Variants in AFF2 observed in about 807,000 individuals in gnomAD.
AFF2 encodes ALF transcription elongation factor 2, also known as AF4/FMR2 family member 2.
AFF2 carries 14 observed loss-of-function variants against 76.9 expected under a neutral mutation model. The ratio of observed to expected loss-of-function variants is 0.18; its 90% CI spans 0.12 to 0.28. The LOEUF (loss-of-function observed/expected upper bound fraction) is 0.28. Ranked by LOEUF, AFF2 falls within the 10% of genes least tolerant of loss-of-function variation. AFF2 has a pLI of 1.00. For synonymous variants in AFF2, 398 were observed against 366.7 expected (o/e 1.09, Z -0.98); for missense variants, 868 against 1,001.1 (o/e 0.87, Z 1.79).
At chrX:148,769,848 G>A (rs1557267988) in intron 3 of AFF2, among the ~76,000 whole-genome samples, 1 of 111,647 alleles carries the variant, frequency 9.0e-6, no homozygotes, top group Non-Finnish European at 1.9e-5. Context: ...GAAATGGGCA[G>A]TTACAGACAA....
chrX:148,703,070 A>G (rs967049124), intron 3 of AFF2, among the ~76,000 whole-genome samples: 1 of 111,832 alleles, frequency 8.9e-6, no homozygotes, highest in Non-Finnish European at 1.9e-5. Flanking sequence ...AGAGACAAAG[A>G]ATTTGAGGGA....
Position 148,967,005 on chromosome X carries a change from G to A in AFF2, c.3129G>A (p.Thr1043=), listed in dbSNP as rs200301935. The A allele has an allele frequency of 5.0e-5, 60 of 1,209,547 alleles. No individual in the cohort carries two copies. Among genetic ancestry groups the A allele is most frequent in the Non-Finnish European group, 5.9e-5 (53 of 895,190 alleles). ...GLMDSSHLEM[T]SWAALPLLSS... is the part of the protein sequence containing the mutation. Reference sequence around the variant, plus strand: ...TGGATAGCAGTCACCTGGAGATGACGTCCTGGGCGGCTCTGCCCCTTCTAT... The same window carrying A: ...TGGATAGCAGTCACCTGGAGATGACATCCTGGGCGGCTCTGCCCCTTCTAT... Residue 1043 remains threonine (T), a synonymous_variant, in exon 14 of 21, where the codon ACG becomes ACA. Coordinates refer to ENST00000370460, the MANE Select transcript of AFF2 (RefSeq NM_002025.4).
chrX:148,543,121 G>A (rs1302138670), intron 1 of AFF2, among the ~76,000 whole-genome samples: 1 of 111,465 alleles, frequency 9.0e-6, no homozygotes, highest in African/African-American at 3.3e-5. Context: ...TCAAAAGGGG[G>A]TCCATGGAAC....
At chrX:148,689,634 T>C (rs980436082) in intron 3 of AFF2, among the ~76,000 whole-genome samples, 1 of 111,808 alleles carries the variant, frequency 8.9e-6, no homozygotes, top group Non-Finnish European at 1.9e-5. Flanking sequence ...AAATCAGAGT[T>C]GAACAGATGT....
intron 3 of AFF2, among the ~76,000 whole-genome samples, chrX:148,725,408 C>T (rs1189307489): frequency 1.8e-5 from 2 of 110,975 alleles, no homozygotes; most frequent in Non-Finnish European, 3.8e-5. Context: ...CCATTTCCTC[C>T]TTTAATAAAA....
chrX:148,753,123 G>A (rs1310681057), intron 3 of AFF2, among the ~76,000 whole-genome samples: 1 of 111,565 alleles, frequency 9.0e-6, no homozygotes, highest in African/African-American at 3.3e-5. Context: ...CTGTTTGTCT[G>A]TGGGGGAGGA....
At chrX:148,838,550 A>C (rs1490408358) in intron 5 of AFF2, among the ~76,000 whole-genome samples, 1 of 111,823 alleles carries the variant, frequency 8.9e-6, no homozygotes, top group Non-Finnish European at 1.9e-5. Context: ...CATTTAGGGG[A>C]TGATTAAGAC....
chrX:148,630,313 A>G (rs2124430134), intron 1 of AFF2, among the ~76,000 whole-genome samples: 1 of 111,956 alleles, frequency 8.9e-6, no homozygotes, highest in South Asian at 3.8e-4. Context: ...CATCTTGGTG[A>G]TTTGGTTTTG....
Position 148,995,055 on chromosome X carries a change from C to T in AFF2, c.*3723C>T, listed in dbSNP as rs1557292837. The T allele has an allele frequency of 2.7e-5, 3 of 112,006 alleles. No individual in the cohort carries two copies. The highest frequency in any genetic ancestry group is 5.6e-5 in the Non-Finnish European group (3 of 53,155). The allele number at this position is 112,006 out of a possible 1,213,427, so 9.2% of individuals were successfully genotyped here. ...CAAATGAATGGGTCAATTCAGCACC[C>T]CCAAATTTAATTCTGTGGGGAAAAA... On this transcript the variant is annotated 3_prime_UTR_variant, in exon 21 of 21. Transcript: ENST00000370460.
intron 1 of AFF2, among the ~76,000 whole-genome samples, chrX:148,544,687 G>A (rs1386954763): frequency 1.8e-5 from 2 of 112,063 alleles, no homozygotes; most frequent in African/African-American, 6.5e-5. Flanking sequence ...CAACTGTCAT[G>A]CCATCAGGCT....
chrX:148,676,403 G>A lies in AFF2; in HGVS notation c.1041+13635G>A, dbSNP rs371335684. Among the ~76,000 whole-genome samples the A allele has an allele frequency of 2.7e-5, 3 of 111,551 alleles. No individual in the cohort carries two copies. The Admixed American group carries it at 2.9e-4, about 11-fold the overall frequency. On this transcript the variant is annotated intron_variant, in intron 3 of 20. Transcript: ENST00000370460. ...TACAGACTGTTTGAAAGATTCACTCGATACCTGTAAAATCCAGTATTTTCT... is the reference window on the plus strand; with the variant it reads ...TACAGACTGTTTGAAAGATTCACTCAATACCTGTAAAATCCAGTATTTTCT...
rs1482386477 is a variant in AFF2 at position 148,998,331 on chromosome X, A to C, written c.*6999A>C. The C allele has an allele frequency of 8.9e-6, 1 of 111,748 alleles. No individual in the cohort carries two copies. The highest frequency in any genetic ancestry group is 1.9e-5 in the Non-Finnish European group (1 of 53,060). The allele number at this position is 111,748 out of a possible 1,213,427, so 9.2% of individuals were successfully genotyped here. On this transcript the variant is annotated 3_prime_UTR_variant, in exon 21 of 21. Coordinates refer to ENST00000370460, the MANE Select transcript of AFF2 (RefSeq NM_002025.4). ...GCTAGTGTTCTTTCTCTTTCCAAACAAATAGTTAAATTAAATGTGAGCTTC... is the reference window on the plus strand; with the variant it reads ...GCTAGTGTTCTTTCTCTTTCCAAACCAATAGTTAAATTAAATGTGAGCTTC...
intron 11 of AFF2, 27 bp downstream of exon 11, chrX:148,956,640 G>C: frequency 9.4e-6 from 11 of 1,171,122 alleles, no homozygotes; most frequent in Non-Finnish European, 1.3e-5. Flanking sequence ...GGCCTGCCAA[G>C]TGCTTGTGAG....
intron 7 of AFF2, among the ~76,000 whole-genome samples, chrX:148,854,478 A>G (rs1305079231): frequency 9.0e-6 from 1 of 111,644 alleles, no homozygotes; most frequent in Non-Finnish European, 1.9e-5. Context: ...CGATACTAAG[A>G]GAAGATACTG....
chrX:148,928,652 G>C (rs1426963777), intron 9 of AFF2, among the ~76,000 whole-genome samples: 2 of 112,071 alleles, frequency 1.8e-5, no homozygotes, highest in South Asian at 7.6e-4. Context: ...GCCCATAGAG[G>C]CTCCAAGATG....
At position 148,897,221 on chromosome X, in the gene AFF2, CTATATATATATATATATATATA is replaced by C. The variant is rs1171086215; in HGVS notation, c.1360-6970_1360-6949del. Among the ~76,000 whole-genome samples, 74 of 23,440 alleles carry C rather than the reference CTATATATATATATATATATATA, an allele frequency of 3.2e-3. 2 individuals are homozygous for C. Among genetic ancestry groups the C allele is most frequent in the African/African-American group, 0.011 (71 of 6,360 alleles). The allele number at this position is 23,440 out of a possible 115,157, so 20.4% of individuals were successfully genotyped here. A position where few individuals can be genotyped will look rare whatever the true frequency, so the allele number is the denominator to read the frequency against. On this transcript the variant is annotated intron_variant, in intron 8 of 20. Transcript: ENST00000370460. ...GGGCTAAATATGAAGCCTTAGTCCA[CTATATATATATATATATATATA>C]TATATATATATATATATATATATAT...
intron 1 of AFF2, among the ~76,000 whole-genome samples, chrX:148,588,704 A>G (rs1269931824): frequency 4.5e-5 from 5 of 111,949 alleles, no homozygotes; most frequent in African/African-American, 1.6e-4. Context: ...CAGTGTAGTC[A>G]TGTTTGTATG....
chrX:148,877,103 G>A (rs931212970), intron 7 of AFF2, among the ~76,000 whole-genome samples: 1 of 112,084 alleles, frequency 8.9e-6, no homozygotes, highest in Admixed American at 9.5e-5. Flanking sequence ...CCTTTTTGGT[G>A]TGTGGGACAA....
chrX:148,579,294 G>A (rs1460416156), intron 1 of AFF2, among the ~76,000 whole-genome samples: 5 of 111,763 alleles, frequency 4.5e-5, no homozygotes, highest in African/African-American at 6.5e-5. Flanking sequence ...TATAGCCTCC[G>A]TATTTGTTAC....
Sources: gnomAD v4.1 joint callset for allele counts (sites outside exome capture counted in the v4.1 genomes callset) on GRCh38, gnomAD v4.1.1 for gene constraint, MANE v1.5 for transcripts, NCBI Gene and HGNC (gene_info 2026-07-23, HGNC 2026-07-21) for gene names.